The following LRRC7 variants were observed in gnomAD, a reference collection of about 807,000 sequenced individuals.
LRRC7 encodes leucine-rich repeat-containing protein 7.
In LRRC7, 23 loss-of-function variants were observed where a neutral mutation model predicts 175.7. The observed-to-expected ratio is 0.13, with a 90% CI of 0.09 to 0.19. LRRC7 has a LOEUF of 0.19. LRRC7 is among the 10% of genes least tolerant of loss of function. LRRC7 has a pLI of 1.00. For synonymous variants in LRRC7, 685 were observed against 680.9 expected, an observed-to-expected ratio of 1.01 and a Z score of -0.09; for missense variants, 1,354 against 1,904.7, an observed-to-expected ratio of 0.71 and a Z score of 5.38.
chr1:69,990,502 G>A, intron 10 of LRRC7, among the ~76,000 whole-genome samples: 1 of 152,044 alleles, frequency 6.6e-6, no homozygotes, highest in East Asian at 1.9e-4. Flanking sequence ...ATTAGTGCCT[G>A]TAAAGAGGAA....
At chr1:69,768,787 C>G (rs1422756459) in intron 3 of LRRC7, among the ~76,000 whole-genome samples, 2 of 152,168 alleles carry the variant, frequency 1.3e-5, no homozygotes, top group Non-Finnish European at 2.9e-5. Flanking sequence ...TGTGATTCCT[C>G]TATAAGCCAG....
At chr1:70,015,893 C>G (rs974585417) in intron 13 of LRRC7, among the ~76,000 whole-genome samples, 2 of 152,028 alleles carry the variant, frequency 1.3e-5, no homozygotes, top group African/African-American at 4.8e-5. Flanking sequence ...CCTCATGGAG[C>G]CTACAGTTTA....
intron 1 of LRRC7, among the ~76,000 whole-genome samples, chr1:69,636,444 C>CAG (rs397737619): frequency 2.4e-4 from 33 of 138,312 alleles, no homozygotes; most frequent in South Asian, 2.2e-3. Flanking sequence ...CACACACACA[C>CAG]AGAGACAGAT....
chr1:69,964,337 G>A (rs1202999090), intron 8 of LRRC7, among the ~76,000 whole-genome samples: 4 of 152,040 alleles, frequency 2.6e-5, no homozygotes, highest in Non-Finnish European at 4.4e-5. Flanking sequence ...CACCTATTAC[G>A]TATGAGGAAA....
rs377044542 is a variant in LRRC7 at position 69,868,812 on chromosome 1, A to G, written c.647+30529A>G. ...GTGTCAGCAAGGTTGGTTTCTTCTG[A>G]AGGCGCTCTCCTTGGCTTGTGAATG... is the stretch of plus-strand genomic sequence containing the variant. On this transcript the variant is annotated intron_variant, in intron 7 of 26. Coordinates refer to ENST00000651989, the MANE Select transcript of LRRC7 (RefSeq NM_001370785.2). 5.0e-4 allele frequency among the ~76,000 whole-genome samples: 76 copies of G among 152,066 alleles called. 2 individuals are homozygous for G. In the South Asian group the frequency reaches 0.016, roughly 32 times the overall value.
At chr1:70,000,076 G>T (rs1480583715) in intron 11 of LRRC7, among the ~76,000 whole-genome samples, 1 of 152,222 alleles carries the variant, frequency 6.6e-6, no homozygotes, top group East Asian at 1.9e-4. Context: ...CAAATGTCTA[G>T]GGATCTTTGC....
At chr1:69,693,850 A>G (rs1662220092) in intron 2 of LRRC7, among the ~76,000 whole-genome samples, 1 of 152,214 alleles carries the variant, frequency 6.6e-6, no homozygotes, top group Non-Finnish European at 1.5e-5. Context: ...TTTCTTTAAC[A>G]ATATGAAACT....
chr1:70,055,607 G>A (rs957316360), intron 23 of LRRC7, among the ~76,000 whole-genome samples: 1 of 152,004 alleles, frequency 6.6e-6, no homozygotes, highest in Admixed American at 6.5e-5. Context: ...AGCTAGGAAG[G>A]CCTCAGGAAA....
In LRRC7 at chr1:69,839,241, T is replaced by C. The variant is rs555969949; in HGVS notation, c.647+958T>C. Among the ~76,000 whole-genome samples the C allele has an allele frequency of 2.6e-5, 4 of 152,222 alleles. No individual in the cohort carries two copies. The East Asian group carries it at 7.7e-4, about 29-fold the overall frequency. On this transcript the variant is annotated intron_variant, in intron 7 of 26. Coordinates refer to ENST00000651989, the MANE Select transcript of LRRC7 (RefSeq NM_001370785.2). ...TTATGTATGATATTGTGTATTAAAA[T>C]TGTCATTGCAATATAATGCCACAAT...
chr1:69,859,157 T>A (rs1034818276), intron 7 of LRRC7, among the ~76,000 whole-genome samples: 2 of 152,142 alleles, frequency 1.3e-5, no homozygotes, highest in African/African-American at 4.8e-5. Context: ...CCAAATTGAC[T>A]TCTTCATATA....
At chr1:69,992,491 G>A (rs1474222402) in intron 10 of LRRC7, among the ~76,000 whole-genome samples, 2 of 152,124 alleles carry the variant, frequency 1.3e-5, no homozygotes, top group Non-Finnish European at 2.9e-5. Flanking sequence ...ATAGAAATGC[G>A]ATAAAGATGT....
intron 4 of LRRC7, among the ~76,000 whole-genome samples, chr1:69,794,479 A>G (rs1411703088): frequency 6.6e-6 from 1 of 152,208 alleles, no homozygotes; most frequent in Non-Finnish European, 1.5e-5. Context: ...TAGGGCTACC[A>G]TGCTTTGAGA....
intron 1 of LRRC7, among the ~76,000 whole-genome samples, chr1:69,668,473 A>G (rs1658592500): frequency 6.6e-6 from 1 of 151,978 alleles, no homozygotes; most frequent in African/African-American, 2.4e-5. Context: ...AAGAACATGA[A>G]CTCATCCCTT....
At chr1:69,657,498 C>T (rs1376065960) in intron 1 of LRRC7, among the ~76,000 whole-genome samples, 1 of 151,970 alleles carries the variant, frequency 6.6e-6, no homozygotes, top group Non-Finnish European at 1.5e-5. Flanking sequence ...CAAGGATCCT[C>T]TTCATCCAGG....
chr1:69,821,403 A>G (rs965224671), intron 4 of LRRC7, among the ~76,000 whole-genome samples: 13 of 151,546 alleles, frequency 8.6e-5, no homozygotes, highest in African/African-American at 2.9e-4. Context: ...CATTTATTGT[A>G]TTCATCGGCT....
intron 3 of LRRC7, among the ~76,000 whole-genome samples, chr1:69,770,570 G>C (rs896217519): frequency 6.6e-6 from 1 of 152,050 alleles, no homozygotes; most frequent in Admixed American, 6.6e-5. Context: ...AAAACTACTT[G>C]TATCACTATA....
At chr1:69,809,805 C>A (rs970779325) in intron 4 of LRRC7, among the ~76,000 whole-genome samples, 5 of 152,036 alleles carry the variant, frequency 3.3e-5, no homozygotes, top group African/African-American at 1.2e-4. Flanking sequence ...ATGAGAAACC[C>A]ACAGCCATTA....
chr1:69,588,992 T>TGTGTGTGTGG (rs1320222489), intron 1 of LRRC7, among the ~76,000 whole-genome samples: 8 of 151,476 alleles, frequency 5.3e-5, no homozygotes, highest in South Asian at 2.1e-4. Context: ...GGTCTGTGTG[T>TGTGTGTGTGG]GTGTGTGTGT....
chr1:70,072,918 A>T (rs1279424270), intron 23 of LRRC7, among the ~76,000 whole-genome samples: 3 of 152,170 alleles, frequency 2.0e-5, no homozygotes, highest in African/African-American at 7.2e-5. Flanking sequence ...TTTTCAATTC[A>T]TGGTTCAACT....
Sources: allele counts gnomAD v4.1 joint callset (sites outside exome capture counted in the v4.1 genomes callset), GRCh38; gene constraint gnomAD v4.1.1; transcripts MANE v1.5; gene names NCBI Gene and HGNC (gene_info 2026-07-23, HGNC 2026-07-21).